PDE4D: variants seen among roughly 807,000 people sequenced by gnomAD.
The protein encoded by PDE4D is 3',5'-cyclic-AMP phosphodiesterase 4D.
PDE4D carries 24 observed loss-of-function variants against 87.4 expected under a neutral mutation model. That is an observed-to-expected ratio of 0.27 (90% CI 0.20 to 0.39). The LOEUF is 0.39. Ranked by LOEUF, PDE4D falls within the 10% of genes least tolerant of loss-of-function variation. The pLI is 1.00. For missense variants in PDE4D, 714 were observed against 1,041.0 expected, an observed-to-expected ratio of 0.69 and a Z score of 4.32; for synonymous variants, 384 against 383.2, an observed-to-expected ratio of 1.00 and a Z score of -0.02.
chr5:60,187,454 T>C (rs1009747185), intron 1 of PDE4D, among the ~76,000 whole-genome samples: 1 of 152,206 alleles, frequency 6.6e-6, no homozygotes, highest in African/African-American at 2.4e-5. Context: ...GAGAAAAACT[T>C]ATTCAAAATA....
intron 1 of PDE4D, among the ~76,000 whole-genome samples, chr5:60,289,246 C>T (rs995264481): frequency 2.0e-5 from 3 of 152,096 alleles, no homozygotes; most frequent in Non-Finnish European, 4.4e-5. Flanking sequence ...CTAATGTAGG[C>T]TGTTTCTAGA....
intron 11 of PDE4D, among the ~76,000 whole-genome samples, chr5:58,986,974 T>TATATAC (rs71751900): frequency 1.3e-5 from 2 of 151,810 alleles, no homozygotes; most frequent in Non-Finnish European, 2.9e-5. Context: ...TATATATATA[T>TATATAC]ACCTTTAACA....
chr5:60,477,206 T>G (rs1452782742), intron 1 of PDE4D, among the ~76,000 whole-genome samples: 1 of 152,152 alleles, frequency 6.6e-6, no homozygotes, highest in Non-Finnish European at 1.5e-5. Context: ...AATGCTATAG[T>G]AATAGCGGCT....
At chr5:59,858,258 T>C (rs186404783) in intron 1 of PDE4D, among the ~76,000 whole-genome samples, 9 of 152,144 alleles carry the variant, frequency 5.9e-5, no homozygotes, top group Admixed American at 4.6e-4. Context: ...GATGCTCTCA[T>C]AGTTCAAGTC....
intron 1 of PDE4D, among the ~76,000 whole-genome samples, chr5:59,883,189 T>A (rs1749695319): frequency 6.6e-6 from 1 of 152,222 alleles, no homozygotes. Context: ...GCTTGAGGGC[T>A]ACAGTTACAG....
At chr5:59,760,061 G>A (rs936617156) in intron 1 of PDE4D, among the ~76,000 whole-genome samples, 1 of 152,106 alleles carries the variant, frequency 6.6e-6, no homozygotes, top group Non-Finnish European at 1.5e-5. Flanking sequence ...ACTCTAAGTG[G>A]CTGTATTTCT....
At chr5:60,511,730 T>C (rs1750582350) in intron 1 of PDE4D, among the ~76,000 whole-genome samples, 1 of 151,926 alleles carries the variant, frequency 6.6e-6, no homozygotes, top group Non-Finnish European at 1.5e-5. Context: ...CCAGCCCAGG[T>C]TTGTCTTAAT....
intron 2 of PDE4D, among the ~76,000 whole-genome samples, chr5:60,045,649 G>A (rs1769134753): frequency 1.3e-5 from 2 of 152,112 alleles, no homozygotes; most frequent in Admixed American, 6.5e-5. Context: ...TTTTTCTCAG[G>A]TTTGACAAAG....
intron 5 of PDE4D, among the ~76,000 whole-genome samples, chr5:59,132,884 C>A (rs1004107469): frequency 5.9e-5 from 9 of 152,116 alleles, no homozygotes; most frequent in African/African-American, 2.2e-4. Context: ...ACAACGGTAA[C>A]AAGTCAACAC....
chr5:59,765,439 C>A (rs1043081769), intron 1 of PDE4D, among the ~76,000 whole-genome samples: 1 of 152,174 alleles, frequency 6.6e-6, no homozygotes, highest in Non-Finnish European at 1.5e-5. Context: ...CCTTAACATA[C>A]TATATAACCA....
intron 1 of PDE4D, among the ~76,000 whole-genome samples, chr5:59,643,548 A>T (rs1206192188): frequency 6.6e-6 from 1 of 152,236 alleles, no homozygotes; most frequent in Non-Finnish European, 1.5e-5. Context: ...TGTGTAATTT[A>T]CATGTAGTTT....
intron 5 of PDE4D, among the ~76,000 whole-genome samples, chr5:59,087,470 C>T (rs895730656): frequency 6.6e-6 from 1 of 151,916 alleles, no homozygotes; most frequent in Admixed American, 6.6e-5. Context: ...GGTGACAGAG[C>T]AAGACCCTAT....
chr5:59,449,259 C>A (rs1798791914), intron 1 of PDE4D, among the ~76,000 whole-genome samples: 1 of 151,988 alleles, frequency 6.6e-6, no homozygotes, highest in South Asian at 2.1e-4. Context: ...AGTAATAGTC[C>A]CCCTTTTACT....
intron 1 of PDE4D, among the ~76,000 whole-genome samples, chr5:59,517,247 C>T (rs921330650): frequency 6.6e-6 from 1 of 152,186 alleles, no homozygotes; most frequent in Non-Finnish European, 1.5e-5. Context: ...CACTAGCCAG[C>T]ACTGAAAACT....
intron 11 of PDE4D, among the ~76,000 whole-genome samples, chr5:58,981,303 C>G (rs928477755): frequency 6.6e-6 from 1 of 152,152 alleles, no homozygotes; most frequent in Non-Finnish European, 1.5e-5. Context: ...TTCTACCAAA[C>G]AGGCTACAAC....
intron 1 of PDE4D, among the ~76,000 whole-genome samples, chr5:59,360,023 CG>C (rs1224234684): frequency 6.6e-6 from 1 of 152,090 alleles, no homozygotes; most frequent in Non-Finnish European, 1.5e-5. Context: ...AATAAGGCAT[CG>C]TTTTTGCCTC....
intron 1 of PDE4D, among the ~76,000 whole-genome samples, chr5:59,803,448 G>C (rs1393619464): frequency 6.6e-6 from 1 of 151,866 alleles, no homozygotes; most frequent in Non-Finnish European, 1.5e-5. Context: ...ACAGGTGCCC[G>C]CCATCACGCA....
intron 1 of PDE4D, among the ~76,000 whole-genome samples, chr5:60,499,017 A>T (rs1749945992): frequency 6.6e-6 from 1 of 152,212 alleles, no homozygotes; most frequent in African/African-American, 2.4e-5. Flanking sequence ...TGAAACTCTT[A>T]CCAAACCCAA....
rs557683169 is a variant in PDE4D, at chr5:58,997,743, GT to G, written c.922-4279del. Among the ~76,000 whole-genome samples the G allele has an allele frequency of 1.1e-4, 16 of 152,156 alleles. No homozygotes were observed. In the East Asian group the frequency reaches 2.7e-3, roughly 26 times the overall value. On this transcript the variant is annotated intron_variant, in intron 6 of 14. Transcript: ENST00000340635. ...TCTCATTATACATCAGAATGTCTGT[GT>G]ACAGCAGTTAAGGCATAAAGGAAAG... is the stretch of plus-strand genomic sequence containing the variant.
Sources: gnomAD v4.1 joint callset for allele counts (sites outside exome capture counted in the v4.1 genomes callset) on GRCh38, gnomAD v4.1.1 for gene constraint, MANE v1.5 for transcripts, NCBI Gene and HGNC (gene_info 2026-07-23, HGNC 2026-07-21) for gene names.